Variants in ITGA11 observed in about 807,000 individuals in gnomAD.
ITGA11 encodes the protein integrin subunit alpha 11, also known as integrin alpha-11.
In ITGA11, 97 loss-of-function variants were observed where a neutral mutation model predicts 141.9. The observed-to-expected ratio is 0.68, with a 90% CI of 0.58 to 0.81. The LOEUF is 0.81. Among genes scored for constraint, ITGA11 ranks in the 30% least tolerant of loss-of-function variants. The pLI is 0.00. For missense variants in ITGA11, 1,387 were observed against 1,559.2 expected, an observed-to-expected ratio of 0.89 and a Z score of 1.86; for synonymous variants, 658 against 624.6, an observed-to-expected ratio of 1.05 and a Z score of -0.80.
intron 6 of ITGA11, among the ~76,000 whole-genome samples, chr15:68,357,512 G>A (rs1010801227): frequency 3.3e-5 from 5 of 152,256 alleles, no homozygotes; most frequent in African/African-American, 1.2e-4. Context: ...CACAAGAAGG[G>A]GTGCATATAG....
intron 2 of ITGA11, among the ~76,000 whole-genome samples, chr15:68,369,583 A>T (rs1895525974): frequency 6.6e-6 from 1 of 152,164 alleles, no homozygotes; most frequent in Non-Finnish European, 1.5e-5. Flanking sequence ...CTGGTAGAGG[A>T]GGGGGCGATG....
At chr15:68,340,415 C>T (rs142230942) in intron 10 of ITGA11, among the ~76,000 whole-genome samples, 146 of 152,270 alleles carry the variant, frequency 9.6e-4, no homozygotes, top group Middle Eastern at 3.4e-3. Flanking sequence ...ACAGTTTGTG[C>T]AAAGGCTCTG....
At chr15:68,361,726 C>A (rs1170339612) in intron 4 of ITGA11, 22 bp from the exon 5 acceptor site, 7 of 1,534,348 alleles carry the variant, frequency 4.6e-6, no homozygotes, top group Non-Finnish European at 6.2e-6. Context: ...AGTGCAGATC[C>A]CCAGTCAGTG....
chr15:68,419,115 T>C (rs1037789077), intron 1 of ITGA11, among the ~76,000 whole-genome samples: 22 of 152,252 alleles, frequency 1.4e-4, no homozygotes, highest in Admixed American at 1.0e-3. Flanking sequence ...GGTCTCTGGC[T>C]GCATGGAATT....
At chr15:68,396,163 G>A (rs1297039062) in intron 2 of ITGA11, among the ~76,000 whole-genome samples, 1 of 151,994 alleles carries the variant, frequency 6.6e-6, no homozygotes, top group Non-Finnish European at 1.5e-5. Context: ...AAATTCCTGA[G>A]AATATATACA....
chr15:68,418,681 C>T (rs1442991733), intron 1 of ITGA11, among the ~76,000 whole-genome samples: 1 of 151,298 alleles, frequency 6.6e-6, no homozygotes, highest in East Asian at 2.0e-4. Context: ...ACGTGGCGGC[C>T]CTGCCCACAC....
chr15:68,400,225 CA>C (rs1896433674), intron 2 of ITGA11, among the ~76,000 whole-genome samples: 2 of 151,856 alleles, frequency 1.3e-5, no homozygotes, highest in East Asian at 3.9e-4. Context: ...AAAAAGAAAA[CA>C]AAAACCTCTG....
rs186797442 is a variant in ITGA11 at position 68,356,009 on chromosome 15, A to G, written c.749+1142T>C. On this transcript the variant is annotated intron_variant, in intron 7 of 29. Transcript: ENST00000315757. ...GGTGAGCACAATGTTTTGAGCAACAACATTACTGGAATAAGCATGTAGCCT... is the reference window on the plus strand; with the variant it reads ...GGTGAGCACAATGTTTTGAGCAACAGCATTACTGGAATAAGCATGTAGCCT... 2.0e-5 allele frequency among the ~76,000 whole-genome samples: 3 copies of G among 152,332 alleles called. No homozygotes were observed. In the East Asian group the frequency reaches 5.8e-4, roughly 29 times the overall value.
At chr15:68,397,720 ATAT>A (rs1231144899) in intron 2 of ITGA11, among the ~76,000 whole-genome samples, 3 of 58,944 alleles carry the variant, frequency 5.1e-5, no homozygotes, top group African/African-American at 1.6e-4. Context: ...TATATTTAAA[ATAT>A]TATATTTAAA....
chr15:68,307,581 C>T lies in ITGA11; in HGVS notation c.3285+5G>A, dbSNP rs766958488. The T allele has an allele frequency of 9.3e-6, 15 of 1,605,656 alleles. No individual in the cohort carries two copies. Among genetic ancestry groups the T allele is most frequent in the Admixed American group, 3.4e-5 (2 of 59,660 alleles). On this transcript the variant is annotated splice_donor_5th_base_variant and intron_variant, in intron 27 of 29. Transcript: ENST00000315757. The surrounding 1 kb of genome is among the most constrained non-coding windows in gnomAD (Gnocchi z 6.1). The stretch of plus-strand genomic sequence containing the variant: ...CTTCCAGCCCAGCCCAGGGGCTCTA[C>T]TTACTGCTTTTAGGGACCTCAACCA...
chr15:68,315,175 G>A (rs1237288227), intron 22 of ITGA11, among the ~76,000 whole-genome samples: 1 of 152,162 alleles, frequency 6.6e-6, no homozygotes, highest in Non-Finnish European at 1.5e-5. Context: ...GGAATAGGAC[G>A]AGTAGTGTTC....
At chr15:68,371,324 T>C (rs928167565) in intron 2 of ITGA11, among the ~76,000 whole-genome samples, 4 of 152,184 alleles carry the variant, frequency 2.6e-5, no homozygotes, top group African/African-American at 9.7e-5. Context: ...CAAGTCTTCC[T>C]GAGGGACACG....
Position 68,311,001 on chromosome 15 carries a change from GGAGCAC to G in ITGA11, c.3161_3166del (p.Arg1054_Ala1055del). The stretch of plus-strand genomic sequence containing the variant: ...GGTCTGGGGGACACTCACCAGCTGT[GGAGCAC>G]GACGCAAGTCTTCCTCCACTGGGGT... On this transcript the variant is annotated inframe_deletion, in exon 26 of 30. Transcript: ENST00000315757. The G allele has an allele frequency of 6.2e-7, 1 of 1,600,938 alleles. No individual in the cohort carries two copies. Among genetic ancestry groups the G allele is most frequent in the Non-Finnish European group, 8.5e-7 (1 of 1,173,506 alleles).
chr15:68,380,507 G>A (rs78455146), intron 2 of ITGA11, among the ~76,000 whole-genome samples: 1,757 of 152,304 alleles, frequency 0.012, 48 homozygotes, highest in East Asian at 0.092. Flanking sequence ...ACTTATACCC[G>A]ATGAATTTAG....
chr15:68,415,163 C>T (rs768748339), intron 1 of ITGA11, among the ~76,000 whole-genome samples: 7 of 152,334 alleles, frequency 4.6e-5, no homozygotes, highest in East Asian at 1.9e-4. Flanking sequence ...CTGAAGGAAG[C>T]GCTATGGAGT....
At chr15:68,379,878 G>A (rs74843849) in intron 2 of ITGA11, among the ~76,000 whole-genome samples, 1,776 of 152,260 alleles carry the variant, frequency 0.012, 47 homozygotes, top group East Asian at 0.096. Flanking sequence ...GGTATGTGTA[G>A]GTCTGACAGC....
rs577945816 is a variant in ITGA11, at chr15:68,329,859, C to T, written c.1901+1122G>A. Among the ~76,000 whole-genome samples the T allele has an allele frequency of 2.0e-5, 3 of 152,328 alleles. No homozygotes were observed. The East Asian group carries it at 5.8e-4, about 29-fold the overall frequency. On this transcript the variant is annotated intron_variant, in intron 15 of 29. Coordinates refer to ENST00000315757, the MANE Select transcript of ITGA11 (RefSeq NM_001004439.2). The stretch of plus-strand genomic sequence containing the variant: ...ACTAGCTGGGCTGCACACGCACAGG[C>T]CCTGGCTTCCCAGTGCTGCCTAGAG...
intron 2 of ITGA11, among the ~76,000 whole-genome samples, chr15:68,379,577 C>A (rs1208778683): frequency 6.6e-6 from 1 of 152,218 alleles, no homozygotes; most frequent in Non-Finnish European, 1.5e-5. Flanking sequence ...CTGGGCCGAA[C>A]TCTTCTGGGT....
In ITGA11 at chr15:68,307,286, G is replaced by T; in HGVS notation, c.3381+62C>A. On this transcript the variant is annotated intron_variant, in intron 28 of 29. Coordinates refer to ENST00000315757, the MANE Select transcript of ITGA11 (RefSeq NM_001004439.2). The surrounding 1 kb of genome is among the most constrained non-coding windows in gnomAD (Gnocchi z 6.1). ...GTAGGAAAACTCTATAGAGGAGCAC[G>T]GCCAACCCTTTCCCAAGCTGTCCGG... 1 of 1,233,146 alleles carries T rather than the reference G, an allele frequency of 8.1e-7. No individual in the cohort carries two copies. The highest frequency in any genetic ancestry group is 1.3e-5 in the South Asian group (1 of 77,314). 76.4% of individuals were successfully genotyped at this position (1,233,146 alleles called of 1,614,324 possible). A position where few individuals can be genotyped will look rare whatever the true frequency, so the allele number is the denominator to read the frequency against.
Sources: gnomAD v4.1 joint callset for allele counts (sites outside exome capture counted in the v4.1 genomes callset) on GRCh38, gnomAD v4.1.1 for gene constraint, Gnocchi (gnomAD v3.1) non-coding constraint, MANE v1.5 for transcripts, NCBI Gene and HGNC (gene_info 2026-07-23, HGNC 2026-07-21) for gene names.